The following SGIP1 variants were observed in gnomAD, a reference collection of about 807,000 sequenced individuals.
The protein encoded by SGIP1 is SH3GL interacting endocytic adaptor 1.
SGIP1 carries 38 observed loss-of-function variants against 107.5 expected under a neutral mutation model. The ratio of observed to expected loss-of-function variants is 0.35; its 90% confidence interval spans 0.27 to 0.46. The LOEUF is 0.46. Ranked by LOEUF, SGIP1 falls within the 20% of genes least tolerant of loss-of-function variation. SGIP1 has a pLI of 1.00. For missense variants in SGIP1, 929 were observed against 1,019.5 expected, an observed-to-expected ratio of 0.91 and a Z score of 1.21; for synonymous variants, 365 against 366.1, an observed-to-expected ratio of 1.00 and a Z score of 0.03.
At chr1:66,544,325 C>A (rs143199051) in intron 1 of SGIP1, among the ~76,000 whole-genome samples, 1 of 152,176 alleles carries the variant, frequency 6.6e-6, no homozygotes, top group African/African-American at 2.4e-5. Context: ...GGAATTGGCA[C>A]ATGAGATGAT....
At chr1:66,698,959 G>A (rs897609155) in intron 18 of SGIP1, among the ~76,000 whole-genome samples, 2 of 151,540 alleles carry the variant, frequency 1.3e-5, no homozygotes, top group Non-Finnish European at 2.9e-5. Flanking sequence ...AAGTGGCCTC[G>A]TGTAGGAATA....
chr1:66,635,793 AC>A, intron 3 of SGIP1, 150 bp from the exon 4 acceptor site: 1 of 733,302 alleles, frequency 1.4e-6, no homozygotes, highest in East Asian at 2.8e-5. Flanking sequence ...TGCTTAAGGA[AC>A]CCTGCCAAGA....
chr1:66,694,854 A>G lies in SGIP1; in HGVS notation c.1571-580A>G, dbSNP rs1312851223. On this transcript the variant is annotated intron_variant, in intron 17 of 24. Transcript: ENST00000371037. ...AAAAAATAATAGAGCATCATTAGTAATCTTGTTTTCTCTTTGATACATAGG... is the reference window on the plus strand; with the variant it reads ...AAAAAATAATAGAGCATCATTAGTAGTCTTGTTTTCTCTTTGATACATAGG... 2.0e-5 allele frequency: 5 copies of G among 249,804 alleles called. No homozygotes were observed. In the East Asian group the frequency reaches 4.1e-4, roughly 21 times the overall value. The allele number at this position is 249,804 out of a possible 1,614,324, so 15.5% of individuals were successfully genotyped here.
rs557341447 is a variant in SGIP1 at position 66,562,797 on chromosome 1, C to T, written c.10+28429C>T. Among the ~76,000 whole-genome samples the T allele has an allele frequency of 5.3e-5, 8 of 152,034 alleles. No individual in the cohort carries two copies. In the South Asian group the frequency reaches 1.2e-3, roughly 24 times the overall value. ...TTTAGGAATTGCCCAGGAGGGGACA[C>T]GGGAAGGAGGAGCATGAGCAAGGTT... On this transcript the variant is annotated intron_variant, in intron 1 of 24. Coordinates refer to ENST00000371037, the MANE Select transcript of SGIP1 (RefSeq NM_032291.4).
chr1:66,670,863 G>A (rs1326906111), intron 9 of SGIP1, 132 bp from the exon 10 acceptor site: 17 of 428,474 alleles, frequency 4.0e-5, no homozygotes, highest in East Asian at 2.4e-4. Flanking sequence ...ACTTAAATGC[G>A]GTTCTGAGAA....
At position 66,743,212 on chromosome 1, in the gene SGIP1, G is replaced by A; in HGVS notation, c.*117G>A. On this transcript the variant is annotated 3_prime_UTR_variant, in exon 25 of 25. Transcript: ENST00000371037. ...AATATCTGCACTTGGGATATATCAG[G>A]TGGAAAGTCAATGACTTTCATCTGT... 1 of 1,023,120 alleles carries A rather than the reference G, an allele frequency of 9.8e-7. No homozygotes were observed. Among genetic ancestry groups the A allele is most frequent in the Non-Finnish European group, 1.5e-6 (1 of 678,682 alleles). The allele number at this position is 1,023,120 out of a possible 1,614,324, so 63.4% of individuals were successfully genotyped here. A position where few individuals can be genotyped will look rare whatever the true frequency, so the allele number is the denominator to read the frequency against.
intron 1 of SGIP1, among the ~76,000 whole-genome samples, chr1:66,552,632 ACTTCT>A (rs1304400347): frequency 6.6e-6 from 1 of 152,072 alleles, no homozygotes; most frequent in Non-Finnish European, 1.5e-5. Context: ...TGGCTAATTT[ACTTCT>A]CTTCTCTGTG....
intron 12 of SGIP1, among the ~76,000 whole-genome samples, chr1:66,674,035 G>A (rs1434038278): frequency 6.6e-6 from 1 of 152,026 alleles, no homozygotes; most frequent in Non-Finnish European, 1.5e-5. Flanking sequence ...GGGCATGGTG[G>A]TGCATGCCTG....
intron 12 of SGIP1, among the ~76,000 whole-genome samples, chr1:66,673,854 T>G (rs931406971): frequency 6.6e-6 from 1 of 152,158 alleles, no homozygotes; most frequent in African/African-American, 2.4e-5. Context: ...GACCCAGGAA[T>G]GACCTTGAAT....
intron 1 of SGIP1, among the ~76,000 whole-genome samples, chr1:66,577,756 CTGTGTGTGTG>C (rs6143251): frequency 1.0e-3 from 145 of 145,072 alleles, no homozygotes; most frequent in South Asian, 2.0e-3. Flanking sequence ...TAATGCAGTC[CTGTGTGTGTG>C]TGTGTGTGTG....
At chr1:66,543,177 C>T (rs1389603774) in intron 1 of SGIP1, among the ~76,000 whole-genome samples, 12 of 152,194 alleles carry the variant, frequency 7.9e-5, no homozygotes, top group Non-Finnish European at 1.2e-4. Context: ...TGAGGAAGAG[C>T]GTCATGATGT....
intron 7 of SGIP1, among the ~76,000 whole-genome samples, chr1:66,656,917 C>T (rs1429482530): frequency 6.6e-6 from 1 of 152,090 alleles, no homozygotes; most frequent in Non-Finnish European, 1.5e-5. Context: ...CCTATAATCC[C>T]AGTGCTTTGG....
intron 1 of SGIP1, among the ~76,000 whole-genome samples, chr1:66,596,517 T>C (rs1301102611): frequency 6.6e-6 from 1 of 151,914 alleles, no homozygotes; most frequent in Non-Finnish European, 1.5e-5. Context: ...TCGGTATATG[T>C]AAAATAGGTG....
Position 66,682,356 on chromosome 1 carries a change from G to A in SGIP1, c.1302G>A (p.Pro434=), listed in dbSNP as rs1419554144. 18 of 1,610,856 alleles carry A rather than the reference G, an allele frequency of 1.1e-5. No homozygotes were observed. Among genetic ancestry groups the A allele is most frequent in the African/African-American group, 4.0e-5 (3 of 74,522 alleles). Residue 434 remains proline, a synonymous_variant, in exon 15 of 25, where the codon CCG becomes CCA. Transcript: ENST00000371037. ...SSPGPGSGPG[P]GTTSGASSPA... ...CCGGACCTGGCTCGGGCCCTGGTCC[G>A]GGGACCACCAGTGGTATGTCTTATG...
At chr1:66,538,282 A>G (rs1012181862) in intron 1 of SGIP1, among the ~76,000 whole-genome samples, 3 of 152,168 alleles carry the variant, frequency 2.0e-5, no homozygotes, top group Non-Finnish European at 4.4e-5. Flanking sequence ...TTTAAAGGGA[A>G]TGCTTCTAAT....
intron 22 of SGIP1, 60 bp from the exon 23 acceptor site, chr1:66,740,598 G>T: frequency 9.7e-7 from 1 of 1,031,006 alleles, no homozygotes; most frequent in Non-Finnish European, 1.5e-6. Flanking sequence ...AAAAAAACAT[G>T]GCATCCAGTA....
chr1:66,659,924 GA>G (rs2080572623), intron 7 of SGIP1, among the ~76,000 whole-genome samples: 1 of 111,742 alleles, frequency 8.9e-6, no homozygotes. Flanking sequence ...AACAGAAAGA[GA>G]AAAAGAGAGA....
intron 1 of SGIP1, among the ~76,000 whole-genome samples, chr1:66,602,649 A>C (rs1017738898): frequency 1.6e-4 from 25 of 151,942 alleles, no homozygotes; most frequent in African/African-American, 5.8e-4. Flanking sequence ...ATAATAAATA[A>C]ATAAATAAAT....
chr1:66,742,721 G>A (rs2094497483), intron 24 of SGIP1, among the ~76,000 whole-genome samples: 1 of 148,668 alleles, frequency 6.7e-6, no homozygotes, highest in East Asian at 2.0e-4. Flanking sequence ...CGCCCGCCTC[G>A]GCCTCCCAAA....
Sources: allele counts gnomAD v4.1 joint callset (sites outside exome capture counted in the v4.1 genomes callset), GRCh38; gene constraint gnomAD v4.1.1; transcripts MANE v1.5; gene names NCBI Gene and HGNC (gene_info 2026-07-23, HGNC 2026-07-21).